Variants in PLA2G12B observed in about 807,000 individuals in gnomAD.
The protein encoded by PLA2G12B is group XIIB secretory phospholipase A2-like protein.
PLA2G12B carries 19 observed loss-of-function variants against 22.3 expected under a neutral mutation model. The ratio of observed to expected loss-of-function variants is 0.85; its 90% CI spans 0.60 to 1.25. The LOEUF (loss-of-function observed/expected upper bound fraction) is 1.25, where lower values mean the gene tolerates loss of function less well. Among genes scored for constraint, PLA2G12B ranks in the 50% most tolerant of loss-of-function variants. The pLI, the probability that PLA2G12B is intolerant of heterozygous loss-of-function variation, is 0.00. For missense variants in PLA2G12B, 191 were observed against 246.6 expected, an observed-to-expected ratio of 0.77 and a Z score of 1.51; for synonymous variants, 81 against 94.9, an observed-to-expected ratio of 0.85 and a Z score of 0.85.
intron 1 of PLA2G12B, among the ~76,000 whole-genome samples, chr10:72,951,560 C>T (rs976581646): frequency 2.0e-5 from 3 of 150,670 alleles, no homozygotes. Flanking sequence ...CAGGTTCACA[C>T]CATTCTCCTG....
At chr10:72,954,439 C>G in intron 1 of PLA2G12B, 36 bp downstream of exon 1, 1 of 1,613,860 alleles carries the variant, frequency 6.2e-7, no homozygotes, top group Non-Finnish European at 8.5e-7. Flanking sequence ...GGTCCACCAG[C>G]AACAGTTTTT....
chr10:72,940,222 C>G (rs1415382823), intron 3 of PLA2G12B, among the ~76,000 whole-genome samples: 1 of 152,182 alleles, frequency 6.6e-6, no homozygotes, highest in Non-Finnish European at 1.5e-5. Context: ...TGCAGACACT[C>G]TCTGTGGTGT....
rs779281191 is a variant in PLA2G12B at position 72,942,688 on chromosome 10, G to A, written c.264C>T (p.Cys88=). 13 of 1,607,510 alleles carry A rather than the reference G, an allele frequency of 8.1e-6. No individual in the cohort carries two copies. Among genetic ancestry groups the A allele is most frequent in the South Asian group, 4.5e-5 (4 of 89,464 alleles). ...CCTTGAGACCCAGGAAATAGGAGCC[G>A]CAGCCATTGGGCTCTTGGGGCTTGT... ...PGYKPQEPNG[C]GSYFLGLKVP... is the part of the protein sequence containing the mutation. The change falls in exon 2 of 4, where the codon TGC becomes TGT. Residue 88 remains cysteine, a synonymous_variant. Coordinates refer to ENST00000373032, the MANE Select transcript of PLA2G12B (RefSeq NM_032562.5).
At chr10:72,952,610 T>C (rs1025268242) in intron 1 of PLA2G12B, among the ~76,000 whole-genome samples, 3 of 152,204 alleles carry the variant, frequency 2.0e-5, no homozygotes, top group Non-Finnish European at 4.4e-5. Flanking sequence ...GTTCAAAAGA[T>C]TGCTCGATTC....
chr10:72,953,435 T>C (rs1846564783), intron 1 of PLA2G12B, among the ~76,000 whole-genome samples: 1 of 152,190 alleles, frequency 6.6e-6, no homozygotes, highest in South Asian at 2.1e-4. Flanking sequence ...TTTTCTCTGT[T>C]GAGTATTTGG....
chr10:72,948,982 A>G (rs1460271433), intron 1 of PLA2G12B, among the ~76,000 whole-genome samples: 1 of 152,184 alleles, frequency 6.6e-6, no homozygotes, highest in Non-Finnish European at 1.5e-5. Context: ...AAACAGCAGT[A>G]AAAACTTTCA....
intron 1 of PLA2G12B, among the ~76,000 whole-genome samples, chr10:72,952,231 G>A (rs143354808): frequency 2.0e-5 from 3 of 152,348 alleles, no homozygotes; most frequent in Admixed American, 6.5e-5. Flanking sequence ...CGTGGCTCAC[G>A]CCTATAATCC....
intron 1 of PLA2G12B, among the ~76,000 whole-genome samples, chr10:72,945,799 C>A: frequency 6.6e-6 from 1 of 152,054 alleles, no homozygotes; most frequent in East Asian, 1.9e-4. Context: ...AGGCACGCAC[C>A]ACCACACCCA....
intron 1 of PLA2G12B, among the ~76,000 whole-genome samples, chr10:72,943,183 C>T (rs1846389281): frequency 6.6e-6 from 1 of 152,140 alleles, no homozygotes. Context: ...CTAGGTTGGT[C>T]TCGAACTCCT....
At chr10:72,942,104 T>C (rs1446658900) in intron 2 of PLA2G12B, among the ~76,000 whole-genome samples, 1 of 149,266 alleles carries the variant, frequency 6.7e-6, no homozygotes, top group African/African-American at 2.5e-5. Context: ...GCCAACATGG[T>C]GAAACCCCAT....
chr10:72,952,996 G>C (rs960104608), intron 1 of PLA2G12B, among the ~76,000 whole-genome samples: 1 of 152,272 alleles, frequency 6.6e-6, no homozygotes, highest in South Asian at 2.1e-4. Flanking sequence ...GTTGCCTTTA[G>C]GAAGGAAAAC....
At chr10:72,942,149 GGT>G (rs34740594) in intron 2 of PLA2G12B, among the ~76,000 whole-genome samples, 22,122 of 135,630 alleles carry the variant, frequency 0.16, 1,669 homozygotes, top group Admixed American at 0.18. Flanking sequence ...CAGGGCGTCG[GGT>G]GTGTGTGTGT....
intron 3 of PLA2G12B, among the ~76,000 whole-genome samples, chr10:72,939,106 G>A (rs1226778965): frequency 6.6e-6 from 1 of 152,208 alleles, no homozygotes; most frequent in Admixed American, 6.5e-5. Flanking sequence ...GGGAGAGACC[G>A]TTAATGGCCC....
At chr10:72,951,452 C>CTTTTTTT (rs71482537) in intron 1 of PLA2G12B, among the ~76,000 whole-genome samples, 1 of 117,134 alleles carries the variant, frequency 8.5e-6, no homozygotes, top group African/African-American at 4.1e-5. Flanking sequence ...GCACAGACTC[C>CTTTTTTT]TTTTTTTTTT....
chr10:72,954,032 G>C (rs369773881), intron 1 of PLA2G12B, among the ~76,000 whole-genome samples: 6 of 152,312 alleles, frequency 3.9e-5, no homozygotes, highest in Admixed American at 1.3e-4. Context: ...TTGCCCCATG[G>C]CAGATTTTTC....
chr10:72,949,991 T>C (rs1846503399), intron 1 of PLA2G12B, among the ~76,000 whole-genome samples: 1 of 125,666 alleles, frequency 8.0e-6, no homozygotes, highest in South Asian at 2.3e-4. Context: ...AAAACAAAAT[T>C]CCAGAAAAAA....
chr10:72,952,814 C>T (rs984237596), intron 1 of PLA2G12B, among the ~76,000 whole-genome samples: 4 of 152,172 alleles, frequency 2.6e-5, no homozygotes, highest in African/African-American at 9.7e-5. Flanking sequence ...TTCCCATCCC[C>T]CACCAGTTGC....
chr10:72,954,098 T>C (rs1846575887), intron 1 of PLA2G12B, among the ~76,000 whole-genome samples: 2 of 149,496 alleles, frequency 1.3e-5, no homozygotes, highest in African/African-American at 5.1e-5. Flanking sequence ...AGGCCTCTCA[T>C]ACCCACCCTC....
intron 2 of PLA2G12B, among the ~76,000 whole-genome samples, chr10:72,942,149 G>GGTGTGTGTGTGTGTGT (rs34740594): frequency 9.6e-4 from 131 of 136,034 alleles, no homozygotes; most frequent in African/African-American, 3.4e-3. Context: ...CAGGGCGTCG[G>GGTGTGTGTGTGTGTGT]GTGTGTGTGT....
Sources: allele counts gnomAD v4.1 joint callset (sites outside exome capture counted in the v4.1 genomes callset), GRCh38; gene constraint gnomAD v4.1.1; transcripts MANE v1.5; gene names NCBI Gene and HGNC (gene_info 2026-07-23, HGNC 2026-07-21).